The following DOCK8 variants were observed in gnomAD, a reference collection of about 807,000 sequenced individuals.
DOCK8 encodes dedicator of cytokinesis protein 8.
A neutral mutation model predicts 245.6 loss-of-function variants in DOCK8; 141 were observed. The ratio of observed to expected loss-of-function variants is 0.57; its 90% confidence interval spans 0.50 to 0.66. The LOEUF is 0.66. Among genes scored for constraint, DOCK8 ranks in the 30% least tolerant of loss-of-function variants. The pLI is 0.00. For missense variants in DOCK8, 2,965 were observed against 2,603.4 expected (o/e 1.14, Z -3.02); for synonymous variants, 1,168 against 970.2 (o/e 1.20, Z -3.79).
chr9:212,619 T>G (rs757962942), upstream of DOCK8, among the ~76,000 whole-genome samples: 1 of 152,194 alleles, frequency 6.6e-6, no homozygotes, highest in Non-Finnish European at 1.5e-5. Flanking sequence ...TGGTGAATTG[T>G]TAAAAGAGTG....
At chr9:226,829 C>T (rs966743994) in intron 1 of DOCK8, among the ~76,000 whole-genome samples, 1 of 151,998 alleles carries the variant, frequency 6.6e-6, no homozygotes, top group Non-Finnish European at 1.5e-5. Flanking sequence ...GGGGAGAAGT[C>T]AAGACTGGAT....
At chr9:426,113 G>A (rs976781318) in intron 33 of DOCK8, among the ~76,000 whole-genome samples, 26 of 152,066 alleles carry the variant, frequency 1.7e-4, no homozygotes, top group Admixed American at 1.3e-3. Flanking sequence ...TTTGGATGAT[G>A]ATACAAAATA....
chr9:437,516 A>C (rs2056945327), intron 39 of DOCK8, among the ~76,000 whole-genome samples: 1 of 152,192 alleles, frequency 6.6e-6, no homozygotes, highest in South Asian at 2.1e-4. Flanking sequence ...ATGGGTCCAC[A>C]CCTGGAATTA....
Position 461,527 on chromosome 9 carries a change from A to ATTTTTTTTTTTTTT in DOCK8, c.6069-1974_6069-1961dup, listed in dbSNP as rs530827485. Among the ~76,000 whole-genome samples, 2 of 67,286 alleles carry ATTTTTTTTTTTTTT rather than the reference A, an allele frequency of 3.0e-5. 1 individual carries two copies. Among genetic ancestry groups the ATTTTTTTTTTTTTT allele is most frequent in the African/African-American group, 1.4e-4 (2 of 14,470 alleles). 44.1% of individuals were successfully genotyped at this position (67,286 alleles called of 152,430 possible). A position where few individuals can be genotyped will look rare whatever the true frequency, so the allele number is the denominator to read the frequency against. The stretch of plus-strand genomic sequence containing the variant: ...GAGTTTTTTGTCTTTTAGCAACTGC[A>ATTTTTTTTTTTTTT]TTTTTTTTTTTTTTTTTTTTTTTTT... On this transcript the variant is annotated intron_variant, in intron 46 of 47. Transcript: ENST00000432829.
At chr9:419,486 T>C (rs2056183437) in intron 30 of DOCK8, among the ~76,000 whole-genome samples, 1 of 152,232 alleles carries the variant, frequency 6.6e-6, no homozygotes, top group South Asian at 2.1e-4. Context: ...AAAGTTCACC[T>C]GTTAGAACAT....
At chr9:336,140 C>T (rs2051298448) in intron 11 of DOCK8, among the ~76,000 whole-genome samples, 1 of 152,204 alleles carries the variant, frequency 6.6e-6, no homozygotes, top group Admixed American at 6.5e-5. Flanking sequence ...TCAGAGTGTA[C>T]ACAGGCTGAC....
chr9:232,587 C>G (rs1428317083), intron 1 of DOCK8, among the ~76,000 whole-genome samples: 2 of 152,146 alleles, frequency 1.3e-5, no homozygotes, highest in African/African-American at 4.8e-5. Flanking sequence ...TGTTATTTGT[C>G]TATTCAGAGA....
chr9:340,435 A>C, intron 14 of DOCK8, 114 bp downstream of exon 14: 1 of 1,338,956 alleles, frequency 7.5e-7, no homozygotes, highest in Non-Finnish European at 1.0e-6. Flanking sequence ...AGCCTTGGCA[A>C]CATGGCAAAA....
At position 295,986 on chromosome 9, in the gene DOCK8, A is replaced by G. The variant is rs1217832013; in HGVS notation, c.404+6405A>G. ...TAAGTTACATAAAAATGTAAAATACATGATCTCCAGTACATTGAAGGAAAT... is the reference window on the plus strand; with the variant it reads ...TAAGTTACATAAAAATGTAAAATACGTGATCTCCAGTACATTGAAGGAAAT... On this transcript the variant is annotated intron_variant, in intron 4 of 47. Coordinates refer to ENST00000432829, the MANE Select transcript of DOCK8 (RefSeq NM_203447.4). Among the ~76,000 whole-genome samples the G allele has an allele frequency of 4.8e-4, 73 of 152,256 alleles. 1 individual carries two copies. The highest frequency in any genetic ancestry group is 4.4e-5 in the Non-Finnish European group (3 of 68,044).
intron 1 of DOCK8, among the ~76,000 whole-genome samples, chr9:223,584 T>C (rs2046928958): frequency 6.6e-6 from 1 of 151,884 alleles, no homozygotes; most frequent in Non-Finnish European, 1.5e-5. Flanking sequence ...GGGACTGGAG[T>C]ACATTTATTT....
chr9:331,496 C>T (rs377179397), intron 9 of DOCK8, among the ~76,000 whole-genome samples: 17 of 152,336 alleles, frequency 1.1e-4, no homozygotes, highest in Admixed American at 4.6e-4. Context: ...TAACTCACAG[C>T]ACCTATTAAG....
intron 46 of DOCK8, chr9:458,374 A>G (rs1005375248): frequency 6.6e-6 from 1 of 152,220 alleles, no homozygotes; most frequent in East Asian, 1.9e-4. Flanking sequence ...CCCTACCTGC[A>G]TGGGAGGCTA....
At chr9:329,395 A>C (rs1159513315) in intron 9 of DOCK8, among the ~76,000 whole-genome samples, 1 of 152,192 alleles carries the variant, frequency 6.6e-6, no homozygotes, top group Non-Finnish European at 1.5e-5. Flanking sequence ...CATGGATTCC[A>C]AATAATTCAG....
At chr9:289,954 C>G (rs529130545) in intron 4 of DOCK8, among the ~76,000 whole-genome samples, 1 of 152,322 alleles carries the variant, frequency 6.6e-6, no homozygotes, top group East Asian at 1.9e-4. Flanking sequence ...CCCTAAAAAT[C>G]CTCTGTGTTC....
At chr9:278,399 A>G (rs1321378168) in intron 2 of DOCK8, among the ~76,000 whole-genome samples, 1 of 152,266 alleles carries the variant, frequency 6.6e-6, no homozygotes. Context: ...TTTTAGAAAT[A>G]TGTATTGGGT....
intron 1 of DOCK8, among the ~76,000 whole-genome samples, chr9:229,890 AT>A: frequency 1.3e-5 from 2 of 151,544 alleles, no homozygotes; most frequent in East Asian, 3.9e-4. Flanking sequence ...TTATTTATTT[AT>A]TTTTAAATTT....
rs531628086 is a variant in DOCK8, at chr9:271,645, A to G, written c.72A>G (p.Ile24Met). Residue 24 changes from isoleucine to methionine, a missense_variant, in exon 2 of 48, where the codon ATA becomes ATG. This residue lies in a region of DOCK8 where 2,825 missense variants were observed against 2,453.5 expected (regional missense o/e 1.15). Transcript: ENST00000432829. ...ATCCAAGGTATTCTTCAGCGGAAAT[A>G]AGGAAACAGTTTACTCTCCCACCAA... is the stretch of plus-strand genomic sequence containing the variant. The part of the protein sequence containing the change: ...LKINRYSSAE[I>M]RKQFTLPPNL... 6 of 1,550,744 alleles carry G rather than the reference A, an allele frequency of 3.9e-6. No homozygotes were observed. In the South Asian group the frequency reaches 6.0e-5, roughly 15 times the overall value.
chr9:360,688 G>A (rs1405654464), intron 14 of DOCK8, among the ~76,000 whole-genome samples: 2 of 152,098 alleles, frequency 1.3e-5, no homozygotes, highest in Non-Finnish European at 1.5e-5. Context: ...AGACATTTTT[G>A]TGGAATCTTA....
chr9:388,385 C>T (rs2054042867), intron 23 of DOCK8, among the ~76,000 whole-genome samples: 1 of 152,200 alleles, frequency 6.6e-6, no homozygotes, highest in Admixed American at 6.5e-5. Context: ...CCTAAGCATT[C>T]TCCATTCCTC....
Sources: gnomAD v4.1 joint callset for allele counts (sites outside exome capture counted in the v4.1 genomes callset) on GRCh38, gnomAD v4.1.1 for gene constraint, gnomAD v4.1.1 regional missense constraint, MANE v1.5 for transcripts, NCBI Gene and HGNC (gene_info 2026-07-23, HGNC 2026-07-21) for gene names.